CHRM3: variants seen among roughly 807,000 people sequenced by gnomAD.
CHRM3 encodes the protein cholinergic receptor muscarinic 3.
A neutral mutation model predicts 41.8 loss-of-function variants in CHRM3; 11 were observed. The observed-to-expected ratio is 0.26, with a 90% CI of 0.17 to 0.44. CHRM3 has a LOEUF of 0.44. CHRM3 is among the 20% of genes least tolerant of loss of function. The pLI is 1.00. For missense variants in CHRM3, 571 were observed against 745.4 expected (o/e 0.77, Z 2.72); for synonymous variants, 297 against 301.4 (o/e 0.99, Z 0.15).
At chr1:239,835,811 T>C (rs937501107) in intron 6 of CHRM3, among the ~76,000 whole-genome samples, 1 of 152,222 alleles carries the variant, frequency 6.6e-6, no homozygotes, top group African/African-American at 2.4e-5. Context: ...GTTAAAAATT[T>C]AGAAGCCTGC....
rs567673735 is a variant in CHRM3, at chr1:239,405,841, G to C, written c.-521+18614G>C. Among the ~76,000 whole-genome samples the C allele has an allele frequency of 3.4e-4, 52 of 152,130 alleles. No homozygotes were observed. The South Asian group carries it at 8.3e-3, about 24-fold the overall frequency. Reference sequence around the variant, plus strand: ...ACCATTCTTTTACTCCTTGGCATTTGGTTTTCAATTTGGCTATCTGCTCTA... The same window carrying C: ...ACCATTCTTTTACTCCTTGGCATTTCGTTTTCAATTTGGCTATCTGCTCTA... On this transcript the variant is annotated intron_variant, in intron 1 of 6. Transcript: ENST00000676153.
intron 3 of CHRM3, among the ~76,000 whole-genome samples, chr1:239,572,330 T>C (rs1375473414): frequency 1.3e-5 from 2 of 152,214 alleles, no homozygotes; most frequent in Non-Finnish European, 1.5e-5. Context: ...TCAGTCCTCT[T>C]CTTCCAGACA....
chr1:239,530,444 A>C lies in CHRM3; in HGVS notation c.-421-15197A>C, dbSNP rs114358069. ...TGTGTCTGTAAAAATTGAATTAATA[A>C]TGAAAAATACTAAGAAAATGGAGAC... On this transcript the variant is annotated intron_variant, in intron 2 of 6. Coordinates refer to ENST00000676153, the MANE Select transcript of CHRM3 (RefSeq NM_001375978.1). Among the ~76,000 whole-genome samples the C allele has an allele frequency of 8.4e-3, 1,282 of 152,324 alleles. 18 individuals carry two copies. Among genetic ancestry groups the C allele is most frequent in the South Asian group, 0.038 (182 of 4,826 alleles).
At chr1:239,602,140 A>ATATATATATATATATATATATATATATAT (rs1432471091) in intron 3 of CHRM3, among the ~76,000 whole-genome samples, 1 of 144,838 alleles carries the variant, frequency 6.9e-6, no homozygotes, top group Non-Finnish European at 1.5e-5. Context: ...ATATATATAT[A>ATATATATATATATATATATATATATATAT]ATTTTGTTTT....
At chr1:239,904,377 A>G (rs1033595661) in intron 6 of CHRM3, among the ~76,000 whole-genome samples, 3 of 152,184 alleles carry the variant, frequency 2.0e-5, no homozygotes, top group Non-Finnish European at 4.4e-5. Flanking sequence ...CAGTAGACCA[A>G]TAGTAATAGT....
At chr1:239,592,658 G>A (rs1185974355) in intron 3 of CHRM3, among the ~76,000 whole-genome samples, 3 of 151,968 alleles carry the variant, frequency 2.0e-5, no homozygotes, top group Non-Finnish European at 4.4e-5. Context: ...CAAATAATGT[G>A]ATATACCACA....
intron 1 of CHRM3, among the ~76,000 whole-genome samples, chr1:239,399,120 C>T (rs1306823720): frequency 3.3e-5 from 5 of 152,060 alleles, no homozygotes; most frequent in South Asian, 2.1e-4. Context: ...GAACAGGTAA[C>T]GATGGTGATG....
chr1:239,498,541 C>G (rs1041912694), intron 2 of CHRM3, among the ~76,000 whole-genome samples: 3 of 152,104 alleles, frequency 2.0e-5, no homozygotes, highest in African/African-American at 7.2e-5. Context: ...AAGACCACAA[C>G]TTTGCTTTAT....
rs201079056 is a variant in CHRM3 at position 239,664,149 on chromosome 1, CTATT to C, written c.-249-14036_-249-14033del. On this transcript the variant is annotated intron_variant, in intron 4 of 6. Coordinates refer to ENST00000676153, the MANE Select transcript of CHRM3 (RefSeq NM_001375978.1). ...TAGGACATCAGAAAGCAGTAGATGACTATTCATTCATCCAAGAATCCTCTTTGCC... is the reference window on the plus strand; with the variant it reads ...TAGGACATCAGAAAGCAGTAGATGACCATTCATCCAAGAATCCTCTTTGCC... Among the ~76,000 whole-genome samples, 1,023 of 152,300 alleles carry C rather than the reference CTATT, an allele frequency of 6.7e-3. 6 individuals carry two copies. Among genetic ancestry groups the C allele is most frequent in the Middle Eastern group, 0.017 (5 of 294 alleles).
chr1:239,449,096 G>A (rs539771921), intron 1 of CHRM3, among the ~76,000 whole-genome samples: 86 of 152,184 alleles, frequency 5.7e-4, no homozygotes, highest in African/African-American at 2.0e-3. Flanking sequence ...GCAATGATGG[G>A]TGAGTGTAAT....
At chr1:239,537,108 A>G (rs954381359) in intron 2 of CHRM3, among the ~76,000 whole-genome samples, 2 of 152,098 alleles carry the variant, frequency 1.3e-5, no homozygotes, top group Non-Finnish European at 2.9e-5. Context: ...TTAAAAAAAA[A>G]TACCCCTTTA....
chr1:239,552,965 A>G (rs991459929), intron 3 of CHRM3, among the ~76,000 whole-genome samples: 7 of 152,082 alleles, frequency 4.6e-5, no homozygotes, highest in African/African-American at 4.8e-5. Context: ...AAATTTGATC[A>G]TAACAATAAT....
intron 1 of CHRM3, among the ~76,000 whole-genome samples, chr1:239,424,219 T>G (rs528547373): frequency 6.6e-6 from 1 of 152,120 alleles, no homozygotes; most frequent in African/African-American, 2.4e-5. Context: ...CAATGAGTGG[T>G]GTATCCTCCT....
intron 5 of CHRM3, among the ~76,000 whole-genome samples, chr1:239,823,415 TC>T (rs1350143665): frequency 6.6e-6 from 1 of 152,006 alleles, no homozygotes; most frequent in Non-Finnish European, 1.5e-5. Context: ...TATGATCAAT[TC>T]CCCCAGCCTT....
In CHRM3 at chr1:239,908,479, C is replaced by T; in HGVS notation, c.1028C>T (p.Ala343Val). ...SSDSWNNNDA[A>V]ASLENSASSD... The stretch of plus-strand genomic sequence containing the variant: ...GACAGTTGGAACAACAATGATGCTG[C>T]TGCCTCCCTGGAGAACTCCGCCTCC... Residue 343 changes from alanine to valine, a missense_variant, in exon 7 of 7, where the codon GCT (alanine) becomes GTT (valine). Coordinates refer to ENST00000676153, the MANE Select transcript of CHRM3 (RefSeq NM_001375978.1). This position sits in a 1 kb window ranked among gnomAD's most constrained non-coding sequence, Gnocchi z 7.2. 1 of 1,610,612 alleles carries T rather than the reference C, an allele frequency of 6.2e-7. No homozygotes were observed. The highest frequency in any genetic ancestry group is 2.2e-5 in the East Asian group (1 of 44,740).
At chr1:239,695,183 T>C (rs1437428511) in intron 5 of CHRM3, among the ~76,000 whole-genome samples, 1 of 152,126 alleles carries the variant, frequency 6.6e-6, no homozygotes, top group Non-Finnish European at 1.5e-5. Flanking sequence ...GCTAAGTTTT[T>C]GTATTTTTAG....
At chr1:239,791,867 A>G (rs1177961443) in intron 5 of CHRM3, among the ~76,000 whole-genome samples, 1 of 152,210 alleles carries the variant, frequency 6.6e-6, no homozygotes. Context: ...GCATGTGGCT[A>G]CCAGAAACAC....
chr1:239,721,891 G>A (rs186242541), intron 5 of CHRM3, among the ~76,000 whole-genome samples: 28 of 151,944 alleles, frequency 1.8e-4, no homozygotes, highest in Admixed American at 6.6e-4. Flanking sequence ...AGGTGAGCGA[G>A]GGAAATCAGA....
chr1:239,662,105 A>ATGTGTGTGTGTGTGTG (rs57202092), intron 4 of CHRM3, among the ~76,000 whole-genome samples: 1 of 144,832 alleles, frequency 6.9e-6, no homozygotes, highest in African/African-American at 2.5e-5. Context: ...TCAGTTTTAG[A>ATGTGTGTGTGTGTGTG]TGTGTGTGTG....
Sources: gnomAD v4.1 joint callset for allele counts (sites outside exome capture counted in the v4.1 genomes callset) on GRCh38, gnomAD v4.1.1 for gene constraint, Gnocchi (gnomAD v3.1) non-coding constraint, MANE v1.5 for transcripts, NCBI Gene and HGNC (gene_info 2026-07-23, HGNC 2026-07-21) for gene names.